ARMH3: variants seen among roughly 807,000 people sequenced by gnomAD.
ARMH3 encodes armadillo like helical domain containing 3, also known as armadillo-like helical domain-containing protein 3.
A neutral mutation model predicts 99.1 loss-of-function variants in ARMH3; 60 were observed. The observed-to-expected ratio is 0.61, with a 90% CI of 0.49 to 0.75. The LOEUF (loss-of-function observed/expected upper bound fraction) is 0.75. ARMH3 is among the 30% of genes least tolerant of loss of function. The pLI is 0.00. For synonymous variants in ARMH3, 285 were observed against 292.8 expected, an observed-to-expected ratio of 0.97 and a Z score of 0.27; for missense variants, 679 against 843.1, an observed-to-expected ratio of 0.81 and a Z score of 2.41.
chr10:102,029,542 G>C (rs1001561678), intron 5 of ARMH3, 96 bp downstream of exon 5: 37 of 1,611,472 alleles, frequency 2.3e-5, no homozygotes, highest in Non-Finnish European at 2.5e-5. Context: ...GTATCTTTCT[G>C]AGTCCAAATC....
intron 22 of ARMH3, among the ~76,000 whole-genome samples, chr10:101,944,482 T>C (rs554734403): frequency 6.6e-6 from 1 of 151,828 alleles, no homozygotes; most frequent in Admixed American, 6.6e-5. Flanking sequence ...CATGTGATAA[T>C]CATATTGTTG....
At chr10:101,994,001 T>C (rs1590151555) in intron 16 of ARMH3, among the ~76,000 whole-genome samples, 2 of 152,064 alleles carry the variant, frequency 1.3e-5, no homozygotes, top group South Asian at 4.2e-4. Flanking sequence ...CACATGAGGG[T>C]TTAGGAGCAA....
chr10:102,026,210 A>G (rs758173993), intron 5 of ARMH3, among the ~76,000 whole-genome samples: 38 of 152,190 alleles, frequency 2.5e-4, no homozygotes, highest in Non-Finnish European at 5.0e-4. Context: ...ACATTAAATG[A>G]GGAAGGAGAA....
chr10:102,016,837 T>C (rs575482459), intron 8 of ARMH3, among the ~76,000 whole-genome samples: 5 of 152,356 alleles, frequency 3.3e-5, no homozygotes, highest in Non-Finnish European at 5.9e-5. Context: ...CTTTATTTGA[T>C]TGCAGGTACA....
chr10:101,961,803 G>A (rs190064223), intron 20 of ARMH3, among the ~76,000 whole-genome samples: 2 of 152,168 alleles, frequency 1.3e-5, no homozygotes, highest in South Asian at 2.1e-4. Context: ...GTACATACAG[G>A]GAAGAATTAA....
At chr10:102,007,656 T>TAAAA (rs961346897) in intron 13 of ARMH3, among the ~76,000 whole-genome samples, 14 of 54,974 alleles carry the variant, frequency 2.5e-4, no homozygotes, top group African/African-American at 3.7e-4. Context: ...CTGTCTCTAC[T>TAAAA]AAAAAAAAAA....
intron 24 of ARMH3, among the ~76,000 whole-genome samples, chr10:101,865,948 C>T (rs1460462649): frequency 2.0e-5 from 3 of 151,030 alleles, no homozygotes; most frequent in East Asian, 2.0e-4. Context: ...TGGCTGGGTG[C>T]GGTGGCTCAC....
intron 24 of ARMH3, among the ~76,000 whole-genome samples, chr10:101,883,294 G>T (rs769124244): frequency 6.6e-6 from 1 of 152,032 alleles, no homozygotes; most frequent in Non-Finnish European, 1.5e-5. Context: ...GCATGCTCCT[G>T]TAGTCTTAGC....
At chr10:101,950,615 T>C (rs1206412001) in intron 22 of ARMH3, among the ~76,000 whole-genome samples, 1 of 152,108 alleles carries the variant, frequency 6.6e-6, no homozygotes, top group East Asian at 1.9e-4. Context: ...TGTTCCACAG[T>C]AAAAAGGGAA....
intron 22 of ARMH3, among the ~76,000 whole-genome samples, chr10:101,949,962 T>C (rs965359821): frequency 1.3e-5 from 2 of 152,162 alleles, no homozygotes; most frequent in Admixed American, 1.3e-4. Context: ...TCAACATTCA[T>C]TAATGACAAC....
intron 16 of ARMH3, among the ~76,000 whole-genome samples, chr10:101,994,508 T>C (rs949960659): frequency 6.6e-6 from 1 of 152,190 alleles, no homozygotes; most frequent in Non-Finnish European, 1.5e-5. Flanking sequence ...TAAATTTAGC[T>C]CTAAACTCAC....
chr10:101,985,313 T>C (rs1031143227), intron 19 of ARMH3, among the ~76,000 whole-genome samples: 5 of 95,218 alleles, frequency 5.3e-5, no homozygotes, highest in Admixed American at 3.2e-4. Context: ...TACATGTATA[T>C]ACATATATAT....
In ARMH3 at chr10:101,864,453, T is replaced by C. The variant is rs148677474; in HGVS notation, c.1861-14561A>G. 7.8e-3 allele frequency among the ~76,000 whole-genome samples: 1,187 copies of C among 152,344 alleles called. 17 individuals carry two copies. Among genetic ancestry groups the C allele is most frequent in the Non-Finnish European group, 9.1e-3 (622 of 68,022 alleles). ...AAAGACACATGCACACGTATGTTTA[T>C]TGCGGCATTATTCACAATAGCAAAG... On this transcript the variant is annotated intron_variant, in intron 24 of 25. Transcript: ENST00000370033.
intron 24 of ARMH3, among the ~76,000 whole-genome samples, chr10:101,875,078 C>G (rs1279514564): frequency 6.6e-6 from 1 of 152,146 alleles, no homozygotes; most frequent in East Asian, 1.9e-4. Context: ...AATAAATCTG[C>G]GGAACATTAA....
intron 24 of ARMH3, among the ~76,000 whole-genome samples, chr10:101,885,965 G>A (rs1206333094): frequency 6.6e-6 from 1 of 151,962 alleles, no homozygotes; most frequent in Non-Finnish European, 1.5e-5. Context: ...GCTGACGCAG[G>A]AGAATTGATT....
intron 24 of ARMH3, among the ~76,000 whole-genome samples, chr10:101,864,317 T>C (rs1170015660): frequency 6.6e-6 from 1 of 152,144 alleles, no homozygotes; most frequent in East Asian, 1.9e-4. Flanking sequence ...AGTTCAACCA[T>C]TGTGGAAGAC....
rs983220558 is a variant in ARMH3, at chr10:102,029,621, T to G, written c.414+17A>C. 5.6e-6 allele frequency: 9 copies of G among 1,614,116 alleles called. No individual in the cohort carries two copies. In the African/African-American group the frequency reaches 1.1e-4, roughly 19 times the overall value. Reference sequence around the variant, plus strand: ...AGAAGCTGCCATCCACAGGCACATCTGCAGCTTATGCCTCACCTTCATGCA... The same window carrying G: ...AGAAGCTGCCATCCACAGGCACATCGGCAGCTTATGCCTCACCTTCATGCA... On this transcript the variant is annotated intron_variant, in intron 5 of 25. Transcript: ENST00000370033.
intron 23 of ARMH3, among the ~76,000 whole-genome samples, chr10:101,907,407 G>C (rs1207674607): frequency 6.7e-6 from 1 of 148,884 alleles, no homozygotes; most frequent in Non-Finnish European, 1.5e-5. Context: ...TTTTGAGACA[G>C]GGTCTCACTC....
intron 10 of ARMH3, 106 bp from the exon 11 acceptor site, chr10:102,011,889 C>A: frequency 1.2e-6 from 1 of 800,320 alleles, no homozygotes; most frequent in Non-Finnish European, 2.0e-6. Flanking sequence ...TTCTCTGACT[C>A]CAGAAAACTA....
Sources: gnomAD v4.1 joint callset for allele counts (sites outside exome capture counted in the v4.1 genomes callset) on GRCh38, gnomAD v4.1.1 for gene constraint, MANE v1.5 for transcripts, NCBI Gene and HGNC (gene_info 2026-07-23, HGNC 2026-07-21) for gene names.